ARHGAP42: variants seen among roughly 807,000 people sequenced by gnomAD.
ARHGAP42 encodes rho GTPase-activating protein 42.
In ARHGAP42, 63 loss-of-function variants were observed where a neutral mutation model predicts 125.0. The observed-to-expected ratio is 0.50, with a 90% CI of 0.41 to 0.62. The LOEUF is 0.62. Ranked by LOEUF, ARHGAP42 falls within the 20% of genes least tolerant of loss-of-function variation. The pLI is 0.00. For synonymous variants in ARHGAP42, 339 were observed against 351.0 expected, an observed-to-expected ratio of 0.97 and a Z score of 0.38; for missense variants, 766 against 1,024.2, an observed-to-expected ratio of 0.75 and a Z score of 3.44.
At chr11:100,848,548 G>C (rs1397080041) in intron 3 of ARHGAP42, among the ~76,000 whole-genome samples, 1 of 151,290 alleles carries the variant, frequency 6.6e-6, no homozygotes. Flanking sequence ...CTGTCACCCA[G>C]GCTGGAGTGC....
intron 1 of ARHGAP42, among the ~76,000 whole-genome samples, chr11:100,718,290 T>C (rs1310302585): frequency 6.6e-6 from 1 of 152,200 alleles, no homozygotes; most frequent in Non-Finnish European, 1.5e-5. Flanking sequence ...TGTGAATAGC[T>C]CTTGAAGGTG....
At chr11:100,977,099 A>T (rs1591335730) in intron 21 of ARHGAP42, 128 bp downstream of exon 21, 3 of 569,652 alleles carry the variant, frequency 5.3e-6, no homozygotes, top group Non-Finnish European at 6.9e-6. Context: ...GAGTGGGTAC[A>T]GTCCACTTCT....
intron 3 of ARHGAP42, among the ~76,000 whole-genome samples, chr11:100,857,844 T>G (rs999094583): frequency 1.3e-5 from 2 of 152,116 alleles, no homozygotes. Context: ...TCCTCGTTCC[T>G]TATCACTTCA....
Position 100,687,412 on chromosome 11 carries a change from G to C in ARHGAP42, c.-267G>C, listed in dbSNP as rs1222791599. On this transcript the variant is annotated 5_prime_UTR_variant, in exon 1 of 24. Coordinates refer to ENST00000298815, the MANE Select transcript of ARHGAP42 (RefSeq NM_152432.4). ...TCGCCGCCCCCGCGTTCCGAACGAC[G>C]ATGCGTCCAGATGACAACAACCTGA... Among the ~76,000 whole-genome samples the C allele has an allele frequency of 6.6e-6, 1 of 151,982 alleles. No homozygotes were observed. The highest frequency in any genetic ancestry group is 2.4e-5 in the African/African-American group (1 of 41,430).
intron 3 of ARHGAP42, among the ~76,000 whole-genome samples, chr11:100,857,081 A>G (rs542825480): frequency 6.6e-6 from 1 of 152,178 alleles, no homozygotes; most frequent in African/African-American, 2.4e-5. Flanking sequence ...GTAGTATTTG[A>G]CGCATTAGAA....
intron 3 of ARHGAP42, among the ~76,000 whole-genome samples, chr11:100,851,677 A>G (rs1229384374): frequency 6.6e-6 from 1 of 152,164 alleles, no homozygotes; most frequent in Non-Finnish European, 1.5e-5. Flanking sequence ...TGTTCTTCAG[A>G]AGGCATTCCA....
At chr11:100,903,156 C>CACACA (rs10524538) in intron 4 of ARHGAP42, among the ~76,000 whole-genome samples, 4 of 150,800 alleles carry the variant, frequency 2.7e-5, no homozygotes, top group East Asian at 1.9e-4. Context: ...CACACACACA[C>CACACA]CAAGCTTTAG....
At chr11:100,919,725 A>G (rs759644265) in intron 5 of ARHGAP42, among the ~76,000 whole-genome samples, 10 of 152,146 alleles carry the variant, frequency 6.6e-5, no homozygotes, top group Admixed American at 1.3e-4. Context: ...TAAAGTAAAT[A>G]AAATTTTCAA....
intron 1 of ARHGAP42, among the ~76,000 whole-genome samples, chr11:100,694,606 C>T (rs1159324999): frequency 6.6e-6 from 1 of 152,166 alleles, no homozygotes; most frequent in Non-Finnish European, 1.5e-5. Context: ...GCAGCTCTGC[C>T]AGTCTTCCTT....
At chr11:100,839,886 C>A (rs1040713674) in intron 3 of ARHGAP42, 9 of 152,164 alleles carry the variant, frequency 5.9e-5, no homozygotes, top group African/African-American at 1.9e-4. Flanking sequence ...TCTTAAGATA[C>A]ATGGAGCTAA....
intron 4 of ARHGAP42, among the ~76,000 whole-genome samples, chr11:100,898,893 G>A (rs1035862285): frequency 3.3e-5 from 5 of 152,012 alleles, no homozygotes; most frequent in Admixed American, 2.6e-4. Context: ...GCTTTTGAAT[G>A]TGTTTGCTCT....
chr11:100,969,175 A>G (rs1041202994), intron 17 of ARHGAP42, among the ~76,000 whole-genome samples: 1 of 152,064 alleles, frequency 6.6e-6, no homozygotes, highest in African/African-American at 2.4e-5. Flanking sequence ...AGCATTTTGA[A>G]TATGCCATCC....
At chr11:100,794,075 C>CAAAA (rs869272420) in intron 2 of ARHGAP42, among the ~76,000 whole-genome samples, 6 of 44,844 alleles carry the variant, frequency 1.3e-4, no homozygotes, top group African/African-American at 3.5e-4. Flanking sequence ...GACCCTGTCT[C>CAAAA]AAAAAAAAAA....
rs539575552 is a variant in ARHGAP42, at chr11:100,987,720, G to C, written c.2536+128G>C. On this transcript the variant is annotated intron_variant, in intron 23 of 23. Coordinates refer to ENST00000298815, the MANE Select transcript of ARHGAP42 (RefSeq NM_152432.4). ...TATCCCATGTCCTGCCTCTCATAAC[G>C]GGCATGCATGAACACATCAAATCCC... The C allele has an allele frequency of 2.5e-5, 21 of 833,814 alleles. No homozygotes were observed. In the East Asian group the frequency reaches 5.7e-4, roughly 23 times the overall value. The allele number at this position is 833,814 out of a possible 1,614,324, so 51.7% of individuals were successfully genotyped here. A position where few individuals can be genotyped will look rare whatever the true frequency, so the allele number is the denominator to read the frequency against.
intron 4 of ARHGAP42, among the ~76,000 whole-genome samples, chr11:100,863,086 AC>A (rs1402397234): frequency 6.6e-6 from 1 of 150,986 alleles, no homozygotes. Flanking sequence ...ACACACAACA[AC>A]AAAAAAAAGG....
intron 3 of ARHGAP42, among the ~76,000 whole-genome samples, chr11:100,836,027 C>T (rs1417434248): frequency 6.6e-6 from 1 of 151,790 alleles, no homozygotes; most frequent in Non-Finnish European, 1.5e-5. Flanking sequence ...AAAATCAAGA[C>T]AAAAATAGCA....
chr11:100,853,371 T>G (rs1865249911), intron 3 of ARHGAP42, among the ~76,000 whole-genome samples: 1 of 152,188 alleles, frequency 6.6e-6, no homozygotes, highest in African/African-American at 2.4e-5. Flanking sequence ...ATGCTATGGT[T>G]AAGTCTGGTA....
intron 7 of ARHGAP42, among the ~76,000 whole-genome samples, chr11:100,934,274 A>G (rs2135262103): frequency 6.6e-6 from 1 of 152,138 alleles, no homozygotes; most frequent in Non-Finnish European, 1.5e-5. Context: ...TAAGTGAGAG[A>G]TCCTTTTGTA....
At chr11:100,748,447 C>T (rs1239197863) in intron 1 of ARHGAP42, among the ~76,000 whole-genome samples, 1 of 152,226 alleles carries the variant, frequency 6.6e-6, no homozygotes, top group South Asian at 2.1e-4. Context: ...TTTAGATCCC[C>T]TGTTAGGAAA....
Sources: gnomAD v4.1 joint callset for allele counts (sites outside exome capture counted in the v4.1 genomes callset) on GRCh38, gnomAD v4.1.1 for gene constraint, MANE v1.5 for transcripts, NCBI Gene and HGNC (gene_info 2026-07-23, HGNC 2026-07-21) for gene names.